The following ATPAF1 variants were observed in gnomAD, a reference collection of about 807,000 sequenced individuals.
ATPAF1 encodes homolog of yeast ATP11.
ATPAF1 carries 26 observed loss-of-function variants against 43.9 expected under a neutral mutation model. The ratio of observed to expected loss-of-function variants is 0.59; its 90% CI spans 0.43 to 0.82. ATPAF1 has a LOEUF of 0.82. Among genes scored for constraint, ATPAF1 ranks in the 40% least tolerant of loss-of-function variants. ATPAF1 has a pLI of 0.00. For synonymous variants in ATPAF1, 157 were observed against 168.0 expected, an observed-to-expected ratio of 0.93 and a Z score of 0.50; for missense variants, 366 against 435.0, an observed-to-expected ratio of 0.84 and a Z score of 1.41.
rs1553217260 is a variant in ATPAF1, at chr1:46,644,742, C to CACTT, written c.684+418_684+419insAAGT. On this transcript the variant is annotated intron_variant, in intron 7 of 8. Coordinates refer to ENST00000574428, the Ensembl canonical transcript of ATPAF1. Reference sequence around the variant, plus strand: ...TAAAGGAAGAAAGCAAACAAAATAACATTAAACAGAAACTATTCACTTAGC... The same window carrying CACTT: ...TAAAGGAAGAAAGCAAACAAAATAACACTTATTAAACAGAAACTATTCACTTAGC... Among the ~76,000 whole-genome samples, 7 of 152,260 alleles carry CACTT rather than the reference C, an allele frequency of 4.6e-5. No individual in the cohort carries two copies. In the East Asian group the frequency reaches 1.4e-3, roughly 29 times the overall value.
intron 6 of ATPAF1, among the ~76,000 whole-genome samples, chr1:46,646,460 TA>T (rs1165680299): frequency 6.6e-6 from 1 of 152,240 alleles, no homozygotes; most frequent in African/African-American, 2.4e-5. Flanking sequence ...GGCTCCAGAC[TA>T]AACACCAAAA....
At chr1:46,642,055 T>C (rs1400213561) in intron 8 of ATPAF1, among the ~76,000 whole-genome samples, 1 of 152,208 alleles carries the variant, frequency 6.6e-6, no homozygotes, top group Non-Finnish European at 1.5e-5. Context: ...CTGATTTTCC[T>C]GTTAGGCCTA....
intron 8 of ATPAF1, 137 bp from the exon 9 acceptor site, chr1:46,636,107 G>T (rs1224050446): frequency 1.7e-5 from 16 of 918,208 alleles, no homozygotes; most frequent in Non-Finnish European, 2.8e-5. Context: ...GAAGTCCCTA[G>T]TCTTGGTTAG....
Position 46,647,249 on chromosome 1 carries a change from T to C in ATPAF1, c.589-1993A>G, listed in dbSNP as rs148148405. Among the ~76,000 whole-genome samples the C allele has an allele frequency of 9.0e-3, 1,366 of 152,218 alleles. 7 individuals are homozygous for C. Among genetic ancestry groups the C allele is most frequent in the Middle Eastern group, 0.017 (5 of 294 alleles). ...CAAGATATAAGACATATTGGGTCTG[T>C]CTGGTTGTGGTGTGGAGATCTACCT... On this transcript the variant is annotated intron_variant, in intron 6 of 8. Coordinates refer to ENST00000574428, the Ensembl canonical transcript of ATPAF1.
rs558779585 is a variant in ATPAF1, at chr1:46,646,127, T to G, written c.589-871A>C. 2.6e-5 allele frequency among the ~76,000 whole-genome samples: 4 copies of G among 152,354 alleles called. No homozygotes were observed. In the South Asian group the frequency reaches 8.3e-4, roughly 32 times the overall value. ...GAGTTTGAGACCAGCCTGGGCAACATAGTGAGACCCTGTCTTTAGAAAAAT... is the reference window on the plus strand; with the variant it reads ...GAGTTTGAGACCAGCCTGGGCAACAGAGTGAGACCCTGTCTTTAGAAAAAT... On this transcript the variant is annotated intron_variant, in intron 6 of 8. Coordinates refer to ENST00000574428, the Ensembl canonical transcript of ATPAF1.
At chr1:46,665,042 G>A (rs186448725) in intron 2 of ATPAF1, 7,125 of 538,582 alleles carry the variant, frequency 0.013, 57 homozygotes, top group Non-Finnish European at 0.019. Flanking sequence ...GGAGCAGGAA[G>A]TACCCCTCTC....
At chr1:46,667,741 G>A (rs912384878) in intron 1 of ATPAF1, among the ~76,000 whole-genome samples, 1 of 152,116 alleles carries the variant, frequency 6.6e-6, no homozygotes, top group Non-Finnish European at 1.5e-5. Flanking sequence ...TCTAGAAGGC[G>A]TTTTCCCATT....
chr1:46,643,086 A>C, intron 8 of ATPAF1, 108 bp downstream of exon 8: 4 of 829,790 alleles, frequency 4.8e-6, no homozygotes, highest in Non-Finnish European at 7.7e-6. Context: ...AGTAAGAAAC[A>C]AGGTATATGT....
At chr1:46,640,141 AC>A (rs1459195074) in intron 8 of ATPAF1, among the ~76,000 whole-genome samples, 1 of 152,036 alleles carries the variant, frequency 6.6e-6, no homozygotes, top group Non-Finnish European at 1.5e-5. Flanking sequence ...TTTCCTCATT[AC>A]CCAGCTTCCA....
intron 5 of ATPAF1, 51 bp from the exon 6 acceptor site, chr1:46,652,679 G>C: frequency 6.7e-7 from 1 of 1,482,616 alleles, no homozygotes; most frequent in South Asian, 1.2e-5. Context: ...AAACACAAAA[G>C]GCCACTATCA....
At chr1:46,657,077 C>G (rs533292192) in intron 4 of ATPAF1, among the ~76,000 whole-genome samples, 1 of 152,158 alleles carries the variant, frequency 6.6e-6, no homozygotes, top group Non-Finnish European at 1.5e-5. Flanking sequence ...AGCTCTACCA[C>G]TGACTAAGTT....
exon 9 of ATPAF1, chr1:46,635,823 C>T (rs759218861): frequency 2.6e-5 from 42 of 1,614,066 alleles, no homozygotes; most frequent in South Asian, 7.7e-5. Flanking sequence ...GCTCCAAGTC[C>T]GCTTTGCTCC....
At chr1:46,656,548 ATTATTT>A (rs1676277100) in intron 4 of ATPAF1, among the ~76,000 whole-genome samples, 1 of 152,168 alleles carries the variant, frequency 6.6e-6, no homozygotes, top group African/African-American at 2.4e-5. Context: ...GCATATTCTG[ATTATTT>A]TTATTTAATT....
exon 9 of ATPAF1, chr1:46,635,875 G>A (rs142921068): frequency 9.3e-6 from 15 of 1,614,252 alleles, no homozygotes; most frequent in Non-Finnish European, 1.3e-5. Flanking sequence ...CATTTGGTCT[G>A]AGGTTAAAGG....
At chr1:46,632,948 C>A (rs1259702851), downstream of ATPAF1, 1 of 152,526 alleles carries the variant, frequency 6.6e-6, no homozygotes, top group Non-Finnish European at 1.5e-5. Flanking sequence ...AACAGAGGAA[C>A]CTAAATATCC....
intron 2 of ATPAF1, among the ~76,000 whole-genome samples, chr1:46,662,768 CATTTT>C (rs557086138): frequency 1.1e-3 from 160 of 152,242 alleles, no homozygotes; most frequent in African/African-American, 3.6e-3. Flanking sequence ...CTCAATTAGT[CATTTT>C]ATTTTATTTT....
upstream of ATPAF1, chr1:46,668,508 C>T (rs920141347): frequency 1.3e-6 from 1 of 749,218 alleles, no homozygotes; most frequent in Non-Finnish European, 1.7e-6. This position sits in a 1 kb window ranked among gnomAD's most constrained non-coding sequence, Gnocchi z 4.4. Context: ...GCTCTGGCCC[C>T]GGCACTGCGC....
chr1:46,651,665 T>C lies in ATPAF1; in HGVS notation c.588+916A>G, dbSNP rs540617086. ...TCCACATCCTCTCCAGCACCTGTTG[T>C]TTCCTGACTTTTTAATGATTGCCAT... On this transcript the variant is annotated intron_variant, in intron 6 of 8. Transcript: ENST00000574428. Among the ~76,000 whole-genome samples, 4 of 152,178 alleles carry C rather than the reference T, an allele frequency of 2.6e-5. No individual in the cohort carries two copies. The South Asian group carries it at 8.3e-4, about 32-fold the overall frequency.
chr1:46,664,096 A>G (rs1676447916), intron 2 of ATPAF1, among the ~76,000 whole-genome samples: 2 of 152,210 alleles, frequency 1.3e-5, no homozygotes, highest in African/African-American at 4.8e-5. Context: ...CTACATGTGT[A>G]CTGAATTGCA....
Sources: gnomAD v4.1 joint callset for allele counts (sites outside exome capture counted in the v4.1 genomes callset) on GRCh38, gnomAD v4.1.1 for gene constraint, Gnocchi (gnomAD v3.1) non-coding constraint, MANE v1.5 for transcripts, NCBI Gene and HGNC (gene_info 2026-07-23, HGNC 2026-07-21) for gene names.